The following MRPS7 variants were observed in gnomAD, a reference collection of about 807,000 sequenced individuals.
MRPS7 encodes mitochondrial ribosomal protein S7, also known as small ribosomal subunit protein uS7m.
MRPS7 carries 13 observed loss-of-function variants against 26.2 expected under a neutral mutation model. That is an observed-to-expected ratio of 0.50 (90% CI 0.32 to 0.79). The LOEUF (loss-of-function observed/expected upper bound fraction) is 0.79, where lower values mean the gene tolerates loss of function less well. Ranked by LOEUF, MRPS7 falls within the 30% of genes least tolerant of loss-of-function variation. The pLI, the probability that MRPS7 is intolerant of heterozygous loss-of-function variation, is 0.03. For synonymous variants in MRPS7, 129 were observed against 113.3 expected, an observed-to-expected ratio of 1.14 and a Z score of -0.88; for missense variants, 318 against 312.2, an observed-to-expected ratio of 1.02 and a Z score of -0.14.
rs377096782 is a variant in MRPS7 at position 75,265,717 on chromosome 17, C to A, written c.523C>A (p.Pro175Thr). 2 of 1,613,880 alleles carry A rather than the reference C, an allele frequency of 1.2e-6. No individual in the cohort carries two copies. Among genetic ancestry groups the A allele is most frequent in the African/African-American group, 2.7e-5 (2 of 74,946 alleles). Residue 175 changes from proline to threonine, a missense_variant, in exon 5 of 5, where the codon CCC becomes ACC. By Grantham distance (38) the Pro-to-Thr change is conservative. Coordinates refer to ENST00000245539, the MANE Select transcript of MRPS7 (RefSeq NM_015971.4). ...TCTCACCCAGGTCCCTGTACCCCTA[C>A]CCGACCGGCGTCGCCGCTTCCTAGC... The part of the protein sequence containing the change: ...GRFYQVPVPL[P>T]DRRRRFLAMK...
intron 4 of MRPS7, 53 bp downstream of exon 4, chr17:75,263,560 T>C (rs1567816879): frequency 1.2e-6 from 2 of 1,605,754 alleles, no homozygotes; most frequent in Non-Finnish European, 1.7e-6. Context: ...TGAAACAAGA[T>C]AGGTGGTGCT....
chr17:75,264,729 G>T (rs114324238), intron 4 of MRPS7, among the ~76,000 whole-genome samples: 1 of 149,198 alleles, frequency 6.7e-6, no homozygotes, highest in African/African-American at 2.5e-5. Context: ...CTGGAGTGCA[G>T]TGCTGTAATC....
chr17:75,263,131 C>G, intron 3 of MRPS7: 1 of 642,154 alleles, frequency 1.6e-6, no homozygotes, highest in Non-Finnish European at 2.6e-6. Flanking sequence ...CACCCCCCAC[C>G]CCCTCCATGC....
In MRPS7 at chr17:75,266,022, A is replaced by T; in HGVS notation, c.*99A>T. The T allele has an allele frequency of 8.9e-7, 1 of 1,119,920 alleles. No homozygotes were observed. The highest frequency in any genetic ancestry group is 1.3e-6 in the Non-Finnish European group (1 of 769,622). 69.4% of individuals were successfully genotyped at this position (1,119,920 alleles called of 1,614,324 possible). Reference sequence around the variant, plus strand: ...TGGGTTAAGGATGTAGTTCCTTTGTAAGGGTGGGCAGGCCTCGTAAGAAAG... The same window carrying T: ...TGGGTTAAGGATGTAGTTCCTTTGTTAGGGTGGGCAGGCCTCGTAAGAAAG... On this transcript the variant is annotated 3_prime_UTR_variant, in exon 5 of 5. Transcript: ENST00000245539.
In MRPS7 at chr17:75,261,991, G is replaced by A. The variant is rs779839555; in HGVS notation, c.83+8G>A. On this transcript the variant is annotated splice_region_variant and intron_variant, in intron 1 of 4. Coordinates refer to ENST00000245539, the MANE Select transcript of MRPS7 (RefSeq NM_015971.4). ...TGTCTTGCAGCTTCCAGGGTGAGAG[G>A]GTGGCGAGCAGCGGCGGGGGGGCGC... 1 of 1,533,880 alleles carries A rather than the reference G, an allele frequency of 6.5e-7. No individual in the cohort carries two copies. Among genetic ancestry groups the A allele is most frequent in the South Asian group, 1.1e-5 (1 of 87,978 alleles).
At position 75,263,324 on chromosome 17, in the gene MRPS7, C is replaced by T. The variant is rs778828368; in HGVS notation, c.340-16C>T. On this transcript the variant is annotated splice_polypyrimidine_tract_variant and intron_variant, in intron 3 of 4. Transcript: ENST00000245539. ...AGGGAGCCTGGGGCAGCCTCTTCCA[C>T]CATATTCTTTTGCAGACTCTGGAAG... is the stretch of plus-strand genomic sequence containing the variant. 8.1e-6 allele frequency: 13 copies of T among 1,613,774 alleles called. No individual in the cohort carries two copies. The highest frequency in any genetic ancestry group is 5.0e-5 in the Admixed American group (3 of 59,988).
At chr17:75,265,251 T>C (rs922133310) in intron 4 of MRPS7, among the ~76,000 whole-genome samples, 17 of 152,050 alleles carry the variant, frequency 1.1e-4, no homozygotes, top group African/African-American at 4.1e-4. Context: ...TTGGCCAGGC[T>C]GGTGTCGAAA....
chr17:75,263,494 G>A lies in MRPS7; in HGVS notation c.494G>A (p.Gly165Asp), dbSNP rs1459209803. Reference sequence around the variant, plus strand: ...GGGCTGGTACCCATCCTCAAGGGAGGCCGTTTCTACCAGGTGAATGAATGG... The same window carrying A: ...GGGCTGGTACCCATCCTCAAGGGAGACCGTTTCTACCAGGTGAATGAATGG... ...MIGLVPILKGGRFYQVPVPLP... is the reference protein window; with the variant it reads ...MIGLVPILKGDRFYQVPVPLP... The change falls in exon 4 of 5, where the codon GGC (glycine) becomes GAC (aspartate). Residue 165 changes from glycine (G) to aspartate (D), a missense_variant. Gly to Asp is a moderately conservative substitution (Grantham distance 94, BLOSUM62 -1). Coordinates refer to ENST00000245539, the MANE Select transcript of MRPS7 (RefSeq NM_015971.4). 1.2e-6 allele frequency: 2 copies of A among 1,613,860 alleles called. No individual in the cohort carries two copies. The highest frequency in any genetic ancestry group is 1.7e-6 in the Non-Finnish European group (2 of 1,180,022).
chr17:75,263,587 A>C, intron 4 of MRPS7, 80 bp downstream of exon 4: 1 of 1,558,266 alleles, frequency 6.4e-7, no homozygotes, highest in Non-Finnish European at 8.8e-7. Flanking sequence ...TTGGGTCAAG[A>C]TTGATAGCTT....
chr17:75,262,879 T>C lies in MRPS7; in HGVS notation c.339+12T>C, dbSNP rs1002941275. 1.2e-6 allele frequency: 2 copies of C among 1,613,208 alleles called. No homozygotes were observed. On this transcript the variant is annotated intron_variant, in intron 3 of 4. Coordinates refer to ENST00000245539, the MANE Select transcript of MRPS7 (RefSeq NM_015971.4). ...CCCTCATGATTCAGGTAAACAGCAC[T>C]TCCCTCCTCAGTCATCTTTCTTGCC...
intron 4 of MRPS7, 98 bp from the exon 5 acceptor site, chr17:75,265,604 G>A (rs1336605247): frequency 9.3e-7 from 1 of 1,078,204 alleles, no homozygotes; most frequent in Non-Finnish European, 1.4e-6. Context: ...GGCTGGTCCA[G>A]AGGGAACATG....
chr17:75,264,539 G>A (rs983288783), intron 4 of MRPS7: 1 of 152,162 alleles, frequency 6.6e-6, no homozygotes, highest in Non-Finnish European at 1.5e-5. Context: ...ATGGGGTAGG[G>A]ACTTCATTAT....
intron 4 of MRPS7, 123 bp downstream of exon 4, chr17:75,263,630 C>A: frequency 7.7e-7 from 1 of 1,292,204 alleles, no homozygotes; most frequent in Non-Finnish European, 1.1e-6. Context: ...CACCTGTAAT[C>A]TCAGCACTTT....
In MRPS7 at chr17:75,262,851, G is replaced by T; in HGVS notation, c.323G>T (p.Arg108Ile). 1 of 1,614,158 alleles carries T rather than the reference G, an allele frequency of 6.2e-7. No homozygotes were observed. Residue 108 changes from arginine (R) to isoleucine (I), a missense_variant, in exon 3 of 5, where the codon AGA (arginine) becomes ATA (isoleucine). Coordinates refer to ENST00000245539, the MANE Select transcript of MRPS7 (RefSeq NM_015971.4). ...MMIGGNKVLA[R>I]SLMIQTLEAV... ...ATAGGAGGAAACAAAGTACTGGCCA[G>T]ATCCCTCATGATTCAGGTAAACAGC... is the stretch of plus-strand genomic sequence containing the variant.
intron 3 of MRPS7, 51 bp downstream of exon 3, chr17:75,262,918 GC>G: frequency 1.3e-6 from 2 of 1,558,768 alleles, no homozygotes; most frequent in Non-Finnish European, 1.8e-6. Flanking sequence ...CTACCCCGTA[GC>G]CTTGTACTTG....
Position 75,262,521 on chromosome 17 carries a change from CTA to C in MRPS7, c.111_112del (p.Tyr37Ter). ...GGCTAACTCAGGTGAGATGGAGCCGCTATAGTCCTGAATTCAAGGATCCCTTG... is the reference window on the plus strand; with the variant it reads ...GGCTAACTCAGGTGAGATGGAGCCGCTAGTCCTGAATTCAAGGATCCCTTG... ...PGLTQVRWSR[Y>X]SPEFKDPLID... On this transcript the variant is annotated frameshift_variant, in exon 2 of 5. Coordinates refer to ENST00000245539, the MANE Select transcript of MRPS7 (RefSeq NM_015971.4). LOFTEE classifies it high-confidence loss of function. 6.2e-7 allele frequency: 1 copy of C among 1,614,110 alleles called. No homozygotes were observed. The highest frequency in any genetic ancestry group is 8.5e-7 in the Non-Finnish European group (1 of 1,179,996).
intron 4 of MRPS7, among the ~76,000 whole-genome samples, chr17:75,264,939 T>C (rs1008083412): frequency 2.6e-5 from 4 of 152,070 alleles, no homozygotes; most frequent in African/African-American, 9.7e-5. Flanking sequence ...TGGTCTGAGG[T>C]GGATTAGTCA....
Position 75,263,331 on chromosome 17 carries a change from C to T in MRPS7, c.340-9C>T. 5 of 1,613,960 alleles carry T rather than the reference C, an allele frequency of 3.1e-6. No homozygotes were observed. Among genetic ancestry groups the T allele is most frequent in the South Asian group, 1.1e-5 (1 of 91,066 alleles). On this transcript the variant is annotated splice_polypyrimidine_tract_variant and intron_variant, in intron 3 of 4. Coordinates refer to ENST00000245539, the MANE Select transcript of MRPS7 (RefSeq NM_015971.4). Reference sequence around the variant, plus strand: ...CTGGGGCAGCCTCTTCCACCATATTCTTTTGCAGACTCTGGAAGCTGTGAA... The same window carrying T: ...CTGGGGCAGCCTCTTCCACCATATTTTTTTGCAGACTCTGGAAGCTGTGAA...
chr17:75,263,158 CTCTT>C, intron 3 of MRPS7, 178 bp from the exon 4 acceptor site: 1 of 712,084 alleles, frequency 1.4e-6, no homozygotes, highest in East Asian at 2.7e-5. Flanking sequence ...TCTCAATCCA[CTCTT>C]TCTGTCCTAG....
Sources: allele counts gnomAD v4.1 joint callset (sites outside exome capture counted in the v4.1 genomes callset), GRCh38; gene constraint gnomAD v4.1.1; transcripts MANE v1.5; gene names NCBI Gene and HGNC (gene_info 2026-07-23, HGNC 2026-07-21).